PRKG1: variants seen among roughly 807,000 people sequenced by gnomAD.
PRKG1 encodes protein kinase cGMP-dependent 1.
A neutral mutation model predicts 88.1 loss-of-function variants in PRKG1; 35 were observed. That is an observed-to-expected ratio of 0.40 (90% CI 0.30 to 0.53). PRKG1 has a LOEUF of 0.53. Ranked by LOEUF, PRKG1 falls within the 20% of genes least tolerant of loss-of-function variation. PRKG1 has a pLI of 0.59. For missense variants in PRKG1, 540 were observed against 839.8 expected, an observed-to-expected ratio of 0.64 and a Z score of 4.41; for synonymous variants, 303 against 292.5, an observed-to-expected ratio of 1.04 and a Z score of -0.37.
At chr10:51,714,590 G>A (rs1253222123) in intron 3 of PRKG1, among the ~76,000 whole-genome samples, 1 of 152,116 alleles carries the variant, frequency 6.6e-6, no homozygotes, top group East Asian at 1.9e-4. Flanking sequence ...GAAGATGGAG[G>A]GATGTGGTAG....
In PRKG1 at chr10:52,076,278, C is replaced by T. The variant is rs549156319; in HGVS notation, c.935+13647C>T. Among the ~76,000 whole-genome samples, 16 of 152,294 alleles carry T rather than the reference C, an allele frequency of 1.1e-4. No individual in the cohort carries two copies. The East Asian group carries it at 2.7e-3, about 26-fold the overall frequency. On this transcript the variant is annotated intron_variant, in intron 7 of 17. Transcript: ENST00000373980. The stretch of plus-strand genomic sequence containing the variant: ...AATCTATAAAAGGAAAAAAAGGGGC[C>T]GGGCCCAGTGGCTCACGCCCGTAGT...
At chr10:51,318,439 C>T (rs1841375436) in intron 2 of PRKG1, among the ~76,000 whole-genome samples, 1 of 152,044 alleles carries the variant, frequency 6.6e-6, no homozygotes, top group Non-Finnish European at 1.5e-5. Flanking sequence ...ATGGTATTGA[C>T]TAGTATCATT....
chr10:52,153,268 A>G (rs1995492), intron 8 of PRKG1, among the ~76,000 whole-genome samples: 62,264 of 152,064 alleles, frequency 0.41, 14,912 homozygotes, highest in Non-Finnish European at 0.53. Context: ...TATTATATTC[A>G]GCATACATAA....
chr10:51,571,827 T>C (rs953371847), intron 3 of PRKG1, among the ~76,000 whole-genome samples: 1 of 151,860 alleles, frequency 6.6e-6, no homozygotes, highest in African/African-American at 2.4e-5. Flanking sequence ...TGATGTAAGA[T>C]AGATATATTA....
chr10:51,381,052 A>C (rs1353922843), intron 2 of PRKG1, among the ~76,000 whole-genome samples: 1 of 151,650 alleles, frequency 6.6e-6, no homozygotes, highest in Admixed American at 6.6e-5. Context: ...GTGTTTTTTC[A>C]GAAAGACCAG....
chr10:51,502,004 G>A (rs2132043706), intron 3 of PRKG1, among the ~76,000 whole-genome samples: 1 of 151,938 alleles, frequency 6.6e-6, no homozygotes, highest in South Asian at 2.1e-4. Context: ...AAAAGAGTCA[G>A]ATATTATGAG....
rs867772072 is a variant in PRKG1 at position 51,353,644 on chromosome 10, T to A, written c.479-114079T>A. On this transcript the variant is annotated intron_variant, in intron 2 of 17. Transcript: ENST00000373980. ...TGGCTTTTATCCAAAAGTCAGGCAA[T>A]AACAAATGCTGGCGAGGATGTGGAG... Among the ~76,000 whole-genome samples, 3 of 151,996 alleles carry A rather than the reference T, an allele frequency of 2.0e-5. No homozygotes were observed. The South Asian group carries it at 6.2e-4, about 32-fold the overall frequency.
At chr10:51,074,365 C>T (rs1479648755), upstream of PRKG1, 1 of 1,209,712 alleles carries the variant, frequency 8.3e-7, no homozygotes, top group Non-Finnish European at 1.1e-6. Context: ...TCTCCCCGCT[C>T]TGAGCCTCAC....
At chr10:51,115,808 C>T (rs1301503918) in intron 1 of PRKG1, among the ~76,000 whole-genome samples, 1 of 149,160 alleles carries the variant, frequency 6.7e-6, no homozygotes, top group Non-Finnish European at 1.5e-5. Flanking sequence ...TGCACTCCAG[C>T]CTGGATGACA....
chr10:51,815,241 G>A (rs1839555661), intron 4 of PRKG1, among the ~76,000 whole-genome samples: 1 of 152,180 alleles, frequency 6.6e-6, no homozygotes, highest in Non-Finnish European at 1.5e-5. Flanking sequence ...CTGTAGTAAG[G>A]CTTATTTTAT....
intron 5 of PRKG1, among the ~76,000 whole-genome samples, chr10:52,007,769 A>C (rs1162018590): frequency 1.3e-5 from 2 of 152,194 alleles, no homozygotes; most frequent in African/African-American, 2.4e-5. Context: ...TACTTGCCCA[A>C]ATGGACCTAA....
intron 4 of PRKG1, among the ~76,000 whole-genome samples, chr10:51,817,347 AC>A (rs367740899): frequency 7.7e-5 from 10 of 129,680 alleles, no homozygotes; most frequent in East Asian, 7.1e-4. Flanking sequence ...TCCCTCCCCA[AC>A]CCCCCCCCTC....
intron 2 of PRKG1, among the ~76,000 whole-genome samples, chr10:51,189,122 T>G (rs1837569524): frequency 6.6e-6 from 1 of 151,790 alleles, no homozygotes. Flanking sequence ...CATCTCAAGC[T>G]CTTCTTTGAG....
chr10:52,165,210 A>T (rs1387414415), intron 9 of PRKG1, among the ~76,000 whole-genome samples: 1 of 152,176 alleles, frequency 6.6e-6, no homozygotes, highest in Non-Finnish European at 1.5e-5. Flanking sequence ...TAGTCTTCTA[A>T]TAAATAATTA....
intron 9 of PRKG1, among the ~76,000 whole-genome samples, chr10:52,244,420 T>C (rs1157653149): frequency 1.3e-5 from 2 of 151,888 alleles, no homozygotes; most frequent in African/African-American, 4.8e-5. Flanking sequence ...GACTTGATTA[T>C]AGAATCTACC....
At chr10:51,932,879 A>G (rs1382940370) in intron 5 of PRKG1, among the ~76,000 whole-genome samples, 1 of 152,148 alleles carries the variant, frequency 6.6e-6, no homozygotes. Context: ...GGGTTATCTC[A>G]GAGTCAGAGA....
At chr10:51,671,400 G>C (rs1352657408) in intron 3 of PRKG1, among the ~76,000 whole-genome samples, 3 of 152,146 alleles carry the variant, frequency 2.0e-5, no homozygotes, top group African/African-American at 7.2e-5. Context: ...TGTTGGCAGG[G>C]CCATGATCCC....
intron 3 of PRKG1, among the ~76,000 whole-genome samples, chr10:51,768,054 A>C: frequency 6.6e-6 from 1 of 152,126 alleles, no homozygotes; most frequent in African/African-American, 2.4e-5. Context: ...AATGCACTAA[A>C]TTATTGCTCT....
At chr10:52,102,525 G>T (rs1331724218) in intron 7 of PRKG1, among the ~76,000 whole-genome samples, 1 of 149,946 alleles carries the variant, frequency 6.7e-6, no homozygotes, top group African/African-American at 2.5e-5. Context: ...TAGATGTTGT[G>T]CATGAATTCA....
Sources: allele counts gnomAD v4.1 joint callset (sites outside exome capture counted in the v4.1 genomes callset), GRCh38; gene constraint gnomAD v4.1.1; transcripts MANE v1.5; gene names NCBI Gene and HGNC (gene_info 2026-07-23, HGNC 2026-07-21).